Variants in SCEL observed in about 807,000 individuals in gnomAD.
SCEL encodes sciellin.
In SCEL, 113 loss-of-function variants were observed where a neutral mutation model predicts 117.6. The ratio of observed to expected loss-of-function variants is 0.96; its 90% CI spans 0.83 to 1.12. The LOEUF (loss-of-function observed/expected upper bound fraction) is 1.12, where lower values mean the gene tolerates loss of function less well. SCEL is among the 50% of genes most tolerant of loss of function. SCEL has a pLI of 0.00. For missense variants in SCEL, 785 were observed against 810.8 expected (o/e 0.97, Z 0.39); for synonymous variants, 270 against 256.2 (o/e 1.05, Z -0.51).
intron 1 of SCEL, among the ~76,000 whole-genome samples, chr13:77,552,830 G>A (rs1029646089): frequency 3.3e-5 from 5 of 151,988 alleles, no homozygotes; most frequent in Non-Finnish European, 7.4e-5. Flanking sequence ...GGTTTTGGGT[G>A]TAATGTTTTG....
At chr13:77,608,445 C>T (rs886921495) in intron 20 of SCEL, among the ~76,000 whole-genome samples, 1 of 152,024 alleles carries the variant, frequency 6.6e-6, no homozygotes, top group Non-Finnish European at 1.5e-5. Context: ...ATAAAAAATA[C>T]AAAAATTAGC....
intron 6 of SCEL, 128 bp from the exon 7 acceptor site, chr13:77,568,167 A>G (rs947419950): frequency 3.1e-5 from 20 of 635,746 alleles, no homozygotes; most frequent in Non-Finnish European, 5.2e-5. Context: ...TTATTAAAAT[A>G]TGATGCTTTC....
At position 77,591,473 on chromosome 13, in the gene SCEL, CTATTTA is replaced by C; in HGVS notation, c.692+17_692+22del. ...AAAGAAATATAAGGTACACTGATTT[CTATTTA>C]TATCTATGTAACTGTAGTAATGATA... On this transcript the variant is annotated intron_variant, in intron 11 of 32. Transcript: ENST00000349847. 19 of 1,369,038 alleles carry C rather than the reference CTATTTA, an allele frequency of 1.4e-5. No homozygotes were observed. Among genetic ancestry groups the C allele is most frequent in the Non-Finnish European group, 1.9e-5 (18 of 962,224 alleles). The allele number at this position is 1,369,038 out of a possible 1,614,324, so 84.8% of individuals were successfully genotyped here.
At chr13:77,576,080 T>C (rs912112164) in intron 9 of SCEL, among the ~76,000 whole-genome samples, 1 of 152,164 alleles carries the variant, frequency 6.6e-6, no homozygotes, top group African/African-American at 2.4e-5. Context: ...ACAAACCTAC[T>C]CAGCTGACAC....
intron 1 of SCEL, among the ~76,000 whole-genome samples, chr13:77,553,052 C>G (rs889803110): frequency 6.6e-6 from 1 of 152,136 alleles, no homozygotes; most frequent in Admixed American, 6.6e-5. Context: ...ACAAGAGCCT[C>G]GTTTTAACTT....
chr13:77,549,617 AG>A (rs1432397399), intron 1 of SCEL, among the ~76,000 whole-genome samples: 1 of 152,216 alleles, frequency 6.6e-6, no homozygotes, highest in Non-Finnish European at 1.5e-5. Flanking sequence ...GAAGACAGAA[AG>A]TTTTAAACTA....
At chr13:77,637,389 T>C (rs1022939032) in intron 30 of SCEL, among the ~76,000 whole-genome samples, 195 bp downstream of exon 30, 7 of 127,584 alleles carry the variant, frequency 5.5e-5, no homozygotes, top group African/African-American at 2.0e-4. Context: ...TATACATATA[T>C]AAATATATAT....
At position 77,610,051 on chromosome 13, in the gene SCEL, CAA is replaced by C. The variant is rs1368458386; in HGVS notation, c.1284_1285del (p.Leu430ArgfsTer5). 6.2e-7 allele frequency: 1 copy of C among 1,607,804 alleles called. No individual in the cohort carries two copies. The highest frequency in any genetic ancestry group is 2.3e-5 in the East Asian group (1 of 44,406). ...CTGATTTTCTATGTTTTTAAGGGGC[CAA>C]AGTCTCGACAGCCTCATTAAAGTGA... ...PGTEKSTEGGQSLDSLIKVTP... is the reference protein window; with the variant it reads ...PGTEKSTEGGXSLDSLIKVTP... On this transcript the variant is annotated frameshift_variant, in exon 22 of 33. Coordinates refer to ENST00000349847, the MANE Select transcript of SCEL (RefSeq NM_144777.3). LOFTEE classifies it high-confidence loss of function.
intron 8 of SCEL, among the ~76,000 whole-genome samples, 195 bp downstream of exon 8, chr13:77,569,646 A>G (rs901384762): frequency 5.3e-5 from 8 of 152,200 alleles, no homozygotes; most frequent in African/African-American, 1.7e-4. Flanking sequence ...ATTTCTAGGA[A>G]ATGTTTTAGA....
intron 15 of SCEL, among the ~76,000 whole-genome samples, chr13:77,600,652 A>G (rs1224850641): frequency 1.3e-5 from 2 of 152,112 alleles, no homozygotes; most frequent in East Asian, 3.8e-4. Context: ...ATACTAGATA[A>G]TTGACTTACA....
chr13:77,560,004 A>G, intron 4 of SCEL, 141 bp downstream of exon 4: 2 of 741,210 alleles, frequency 2.7e-6, no homozygotes, highest in Non-Finnish European at 4.6e-6. Flanking sequence ...AGAATCTGTG[A>G]TATCATCAGA....
intron 8 of SCEL, among the ~76,000 whole-genome samples, chr13:77,570,203 G>T (rs1325228587): frequency 6.6e-6 from 1 of 152,230 alleles, no homozygotes; most frequent in African/African-American, 2.4e-5. Context: ...GGCTGACTTT[G>T]CCATGGTGCT....
chr13:77,574,992 C>T (rs2085856229), intron 9 of SCEL, among the ~76,000 whole-genome samples: 1 of 152,150 alleles, frequency 6.6e-6, no homozygotes, highest in Admixed American at 6.5e-5. Context: ...TTCATTTTCT[C>T]TCATACATCT....
rs1457630072 is a variant in SCEL at position 77,613,380 on chromosome 13, T to C, written c.1388+439T>C. ...TGATTAGAATATTTTTTGCATGACA[T>C]TGAATTTACTTCTGTTCTTGAGAAA... is the stretch of plus-strand genomic sequence containing the variant. On this transcript the variant is annotated intron_variant, in intron 23 of 32. Transcript: ENST00000349847. Among the ~76,000 whole-genome samples, 5 of 152,202 alleles carry C rather than the reference T, an allele frequency of 3.3e-5. No individual in the cohort carries two copies. In the South Asian group the frequency reaches 6.2e-4, roughly 19 times the overall value.
At chr13:77,580,712 TGAA>T (rs2086219382) in intron 9 of SCEL, among the ~76,000 whole-genome samples, 1 of 152,184 alleles carries the variant, frequency 6.6e-6, no homozygotes, top group South Asian at 2.1e-4. Flanking sequence ...GGAACAATAA[TGAA>T]GCCACCACTA....
intron 16 of SCEL, 112 bp from the exon 17 acceptor site, chr13:77,602,542 C>A: frequency 2.4e-6 from 2 of 819,044 alleles, no homozygotes; most frequent in South Asian, 3.3e-5. Context: ...TCTTTTTGGT[C>A]ATTTGGTCCT....
At chr13:77,626,126 C>T (rs897949023) in intron 27 of SCEL, among the ~76,000 whole-genome samples, 1 of 152,130 alleles carries the variant, frequency 6.6e-6, no homozygotes, top group Admixed American at 6.5e-5. Flanking sequence ...GGGAGTCTCA[C>T]AATCATGGTG....
intron 32 of SCEL, among the ~76,000 whole-genome samples, chr13:77,643,174 CT>C (rs573150688): frequency 8.3e-4 from 127 of 152,128 alleles, no homozygotes; most frequent in African/African-American, 2.8e-3. Context: ...TAATTTTTAA[CT>C]AAATTTGGTT....
chr13:77,577,510 C>T (rs888971174), intron 9 of SCEL, among the ~76,000 whole-genome samples: 3 of 152,140 alleles, frequency 2.0e-5, no homozygotes, highest in African/African-American at 4.8e-5. Context: ...CACCTGGTCC[C>T]GCCCTTGACA....
Sources: gnomAD v4.1 joint callset for allele counts (sites outside exome capture counted in the v4.1 genomes callset) on GRCh38, gnomAD v4.1.1 for gene constraint, MANE v1.5 for transcripts, NCBI Gene and HGNC (gene_info 2026-07-23, HGNC 2026-07-21) for gene names.